ANKS1A: variants seen among roughly 807,000 people sequenced by gnomAD.
The protein encoded by ANKS1A is ankyrin repeat and sterile alpha motif domain containing 1A.
A neutral mutation model predicts 120.3 loss-of-function variants in ANKS1A; 55 were observed. The observed-to-expected ratio is 0.46, with a 90% CI of 0.37 to 0.57. The LOEUF is 0.57. ANKS1A is among the 20% of genes least tolerant of loss of function. The probability of loss-of-function intolerance (pLI) is 0.00; values close to 1 mark genes in which losing one functional copy is unlikely to be tolerated. For synonymous variants in ANKS1A, 590 were observed against 604.7 expected (o/e 0.98, Z 0.36); for missense variants, 1,123 against 1,480.3 (o/e 0.76, Z 3.96).
chr6:34,993,561 T>C (rs974054219), intron 9 of ANKS1A, among the ~76,000 whole-genome samples: 11 of 152,236 alleles, frequency 7.2e-5, no homozygotes, highest in Non-Finnish European at 1.2e-4. Flanking sequence ...TAATTTAAAA[T>C]TGTATTAACA....
intron 1 of ANKS1A, among the ~76,000 whole-genome samples, chr6:34,939,874 G>A (rs1486059813): frequency 2.0e-5 from 3 of 152,202 alleles, no homozygotes; most frequent in Non-Finnish European, 4.4e-5. Flanking sequence ...AAGATTTCAG[G>A]AATATTTTCT....
In ANKS1A at chr6:35,025,361, C is replaced by T. The variant is rs544454787; in HGVS notation, c.2010+7302C>T. On this transcript the variant is annotated intron_variant, in intron 11 of 23. Transcript: ENST00000360359. The stretch of plus-strand genomic sequence containing the variant: ...CTTGATGCTAACAGGAGAAACTCCA[C>T]GGTGTTGTGAATGAGCGGGAGTTAG... 9.9e-5 allele frequency among the ~76,000 whole-genome samples: 15 copies of T among 151,918 alleles called. No individual in the cohort carries two copies. The East Asian group carries it at 2.1e-3, about 22-fold the overall frequency.
chr6:34,944,804 C>T (rs1050818589), intron 1 of ANKS1A, among the ~76,000 whole-genome samples: 1 of 152,146 alleles, frequency 6.6e-6, no homozygotes, highest in African/African-American at 2.4e-5. Flanking sequence ...CAAGGGTCAG[C>T]TGTATTTTGG....
chr6:34,963,120 C>A (rs930124385), intron 1 of ANKS1A, among the ~76,000 whole-genome samples: 3 of 152,120 alleles, frequency 2.0e-5, no homozygotes, highest in Non-Finnish European at 4.4e-5. Context: ...CCTCAGCCTC[C>A]CAAGGTACTG....
intron 1 of ANKS1A, among the ~76,000 whole-genome samples, chr6:34,932,397 G>A (rs1299080893): frequency 6.6e-6 from 1 of 152,154 alleles, no homozygotes; most frequent in Non-Finnish European, 1.5e-5. Flanking sequence ...TGGCCAGGCT[G>A]GTCTTGAACT....
rs768476371 is a variant in ANKS1A, at chr6:35,017,646, C to A, written c.1597C>A (p.Gln533Lys). Reference protein sequence around the residue: ...AGQSHPDGSPQQGACHKASMQ... With the variant: ...AGQSHPDGSPKQGACHKASMQ... ...CCAGAGCCATCCAGACGGGTCCCCC[C>A]AGCAGGGCGCCTGCCACAAGGCCAG... is the stretch of plus-strand genomic sequence containing the variant. Residue 533 changes from glutamine (Q) to lysine (K), a missense_variant, in exon 11 of 24, where the codon CAG becomes AAG. Transcript: ENST00000360359. 5 of 1,613,802 alleles carry A rather than the reference C, an allele frequency of 3.1e-6. No individual in the cohort carries two copies. In the South Asian group the frequency reaches 4.4e-5, roughly 14 times the overall value.
At chr6:35,067,487 G>A (rs1033732064) in intron 13 of ANKS1A, among the ~76,000 whole-genome samples, 5 of 152,190 alleles carry the variant, frequency 3.3e-5, no homozygotes, top group African/African-American at 7.2e-5. Flanking sequence ...AGCAAAGGCC[G>A]GAGAAGCCCG....
intron 13 of ANKS1A, among the ~76,000 whole-genome samples, chr6:35,068,886 A>G (rs957865778): frequency 6.6e-6 from 1 of 152,088 alleles, no homozygotes; most frequent in Non-Finnish European, 1.5e-5. Context: ...CTGCCGGCCG[A>G]GTGTAAAGTC....
chr6:35,073,636 C>T (rs1297726488), intron 13 of ANKS1A, among the ~76,000 whole-genome samples: 1 of 152,154 alleles, frequency 6.6e-6, no homozygotes, highest in African/African-American at 2.4e-5. Context: ...TGAGACAATC[C>T]CTGTTAACTA....
At chr6:34,960,665 T>C (rs1770588195) in intron 1 of ANKS1A, among the ~76,000 whole-genome samples, 1 of 152,164 alleles carries the variant, frequency 6.6e-6, no homozygotes, top group South Asian at 2.1e-4. Flanking sequence ...TTCCATGCCC[T>C]CCACAGTGCT....
intron 1 of ANKS1A, among the ~76,000 whole-genome samples, chr6:34,924,130 T>TGTGTG (rs1313706265): frequency 6.7e-6 from 1 of 150,198 alleles, no homozygotes; most frequent in Non-Finnish European, 1.5e-5. Context: ...TGTGTGTGTA[T>TGTGTG]TTTTCTTTTC....
chr6:35,083,362 A>G (rs375027415), intron 19 of ANKS1A, 55 bp from the exon 20 acceptor site: 12 of 1,599,330 alleles, frequency 7.5e-6, no homozygotes, highest in East Asian at 4.5e-5. Flanking sequence ...GTGGAAGCCC[A>G]GGAGGCTTAG....
intron 1 of ANKS1A, among the ~76,000 whole-genome samples, chr6:34,958,419 C>T (rs1452573146): frequency 6.6e-6 from 1 of 152,114 alleles, no homozygotes; most frequent in East Asian, 1.9e-4. Flanking sequence ...ACCTGGGCTC[C>T]CTGGATCTAG....
rs762912186 is a variant in ANKS1A at position 34,982,028 on chromosome 6, A to G, written c.732+42A>G. The G allele has an allele frequency of 2.3e-5, 37 of 1,601,574 alleles. No homozygotes were observed. The highest frequency in any genetic ancestry group is 3.2e-5 in the Non-Finnish European group (37 of 1,173,160). On this transcript the variant is annotated intron_variant, in intron 4 of 23. Coordinates refer to ENST00000360359, the MANE Select transcript of ANKS1A (RefSeq NM_015245.3). This position sits in a 1 kb window ranked among gnomAD's most constrained non-coding sequence, Gnocchi z 4.9. ...GGGCTCCTCCAATCTCAAGAGACTC[A>G]GTCATTTTGCAGAAGGCACAAGGAC...
chr6:35,053,287 C>T (rs1036542342), intron 11 of ANKS1A, among the ~76,000 whole-genome samples: 1 of 152,244 alleles, frequency 6.6e-6, no homozygotes, highest in African/African-American at 2.4e-5. Flanking sequence ...CTAGTTCTGC[C>T]CCTGGCCAGG....
intron 11 of ANKS1A, among the ~76,000 whole-genome samples, chr6:35,019,725 A>C (rs985683204): frequency 6.6e-6 from 1 of 152,190 alleles, no homozygotes; most frequent in Admixed American, 6.5e-5. Flanking sequence ...CAGCTATAGG[A>C]AAACTTCAAG....
At chr6:34,989,105 C>T in intron 8 of ANKS1A, 119 bp from the exon 9 acceptor site, 1 of 785,208 alleles carries the variant, frequency 1.3e-6, no homozygotes, top group Non-Finnish European at 2.0e-6. Flanking sequence ...TGACTTTAGT[C>T]TCTCAGGGGA....
chr6:34,999,472 GT>G (rs2127542672), intron 10 of ANKS1A, among the ~76,000 whole-genome samples: 1 of 152,256 alleles, frequency 6.6e-6, no homozygotes, highest in East Asian at 1.9e-4. Context: ...TGGTGTGAGC[GT>G]GGTGTTTTGT....
In ANKS1A at chr6:35,085,837, C is replaced by A; in HGVS notation, c.3204C>A (p.Ala1068=). The part of the protein sequence containing the change: ...FEVAYQLALQ[A]QKSRATGASA... ...TGGCCTATCAGTTGGCCCTGCAGGC[C>A]CAGAAGTCCAGGGCGACGGGCGCCT... The change falls in exon 22 of 24, where the codon GCC becomes GCA. Residue 1068 remains alanine (A), a synonymous_variant. Coordinates refer to ENST00000360359, the MANE Select transcript of ANKS1A (RefSeq NM_015245.3). This position sits in a 1 kb window ranked among gnomAD's most constrained non-coding sequence, Gnocchi z 4.7. 6 of 1,613,480 alleles carry A rather than the reference C, an allele frequency of 3.7e-6. No homozygotes were observed. Among genetic ancestry groups the A allele is most frequent in the Non-Finnish European group, 5.1e-6 (6 of 1,179,802 alleles).
Sources: gnomAD v4.1 joint callset for allele counts (sites outside exome capture counted in the v4.1 genomes callset) on GRCh38, gnomAD v4.1.1 for gene constraint, Gnocchi (gnomAD v3.1) non-coding constraint, MANE v1.5 for transcripts, NCBI Gene and HGNC (gene_info 2026-07-23, HGNC 2026-07-21) for gene names.